The following SMYD3 variants were observed in gnomAD, a reference collection of about 807,000 sequenced individuals.
SMYD3 encodes SET and MYND domain containing 3, also known as histone-lysine N-methyltransferase SMYD3.
A neutral mutation model predicts 57.7 loss-of-function variants in SMYD3; 36 were observed. The observed-to-expected ratio is 0.62, with a 90% CI of 0.48 to 0.82. SMYD3 has a LOEUF of 0.82. Among genes scored for constraint, SMYD3 ranks in the 40% least tolerant of loss-of-function variants. SMYD3 has a pLI of 0.00. For synonymous variants in SMYD3, 211 were observed against 195.0 expected, an observed-to-expected ratio of 1.08 and a Z score of -0.68; for missense variants, 515 against 538.8, an observed-to-expected ratio of 0.96 and a Z score of 0.44.
At chr1:245,817,370 G>C (rs1461772792) in intron 10 of SMYD3, among the ~76,000 whole-genome samples, 1 of 146,538 alleles carries the variant, frequency 6.8e-6, no homozygotes, top group African/African-American at 2.6e-5. Context: ...CAAACAGAAA[G>C]CACATCCACA....
At chr1:245,856,784 T>G (rs1368128330) in intron 10 of SMYD3, among the ~76,000 whole-genome samples, 1 of 152,146 alleles carries the variant, frequency 6.6e-6, no homozygotes, top group Non-Finnish European at 1.5e-5. Flanking sequence ...GAAGAATCAG[T>G]GCAGCGCTAG....
intron 1 of SMYD3, among the ~76,000 whole-genome samples, chr1:246,387,074 G>A (rs577713353): frequency 2.0e-5 from 3 of 152,130 alleles, no homozygotes; most frequent in South Asian, 4.2e-4. Flanking sequence ...CTTTGCACAC[G>A]GTAAAGGGCA....
intron 10 of SMYD3, among the ~76,000 whole-genome samples, chr1:245,845,683 C>G (rs749345409): frequency 6.6e-6 from 1 of 152,240 alleles, no homozygotes; most frequent in Non-Finnish European, 1.5e-5. Flanking sequence ...CCTGCTCTTG[C>G]AAAGCTCAAT....
Position 246,458,613 on chromosome 1 carries a change from ATTTTTT to A in SMYD3, c.164+48435_164+48440del, listed in dbSNP as rs74163446. Among the ~76,000 whole-genome samples the A allele has an allele frequency of 1.7e-4, 8 of 46,870 alleles. No homozygotes were observed. In the South Asian group the frequency reaches 3.7e-3, roughly 22 times the overall value. 30.7% of individuals were successfully genotyped at this position (46,870 alleles called of 152,430 possible). On this transcript the variant is annotated intron_variant, in intron 1 of 11. Coordinates refer to ENST00000490107, the MANE Select transcript of SMYD3 (RefSeq NM_001167740.2). ...AGGCGCCCACCACCGCGCCTGGCTG[ATTTTTT>A]TTTTTTTTTTTTTTTTTTTTGTATT...
intron 5 of SMYD3, among the ~76,000 whole-genome samples, chr1:246,239,718 G>A (rs913152462): frequency 5.3e-5 from 8 of 152,062 alleles, no homozygotes; most frequent in African/African-American, 1.9e-4. Context: ...CAGTGTAAAA[G>A]TGTTCGTATT....
At chr1:246,204,906 T>C (rs2062974640) in intron 5 of SMYD3, among the ~76,000 whole-genome samples, 1 of 152,246 alleles carries the variant, frequency 6.6e-6, no homozygotes, top group Non-Finnish European at 1.5e-5. Flanking sequence ...ATTTTTAAAC[T>C]ATTCTAACAT....
chr1:246,003,151 T>C (rs775815067), intron 5 of SMYD3, among the ~76,000 whole-genome samples: 47 of 152,008 alleles, frequency 3.1e-4, no homozygotes, highest in Non-Finnish European at 6.2e-4. Flanking sequence ...AAATGCCAAG[T>C]GAAGATGTGT....
intron 1 of SMYD3, among the ~76,000 whole-genome samples, chr1:246,481,621 T>TATATATATATATAC (rs1307881494): frequency 0.01 from 1,022 of 98,140 alleles, 73 homozygotes; most frequent in Middle Eastern, 0.03. Context: ...CATACATATA[T>TATATATATATATAC]ACATACATAC....
In SMYD3 at chr1:246,197,507, C is replaced by A. The variant is rs943483931; in HGVS notation, c.531+129694G>T. On this transcript the variant is annotated intron_variant, in intron 5 of 11. Coordinates refer to ENST00000490107, the MANE Select transcript of SMYD3 (RefSeq NM_001167740.2). Reference sequence around the variant, plus strand: ...TGAAAAAAAATTCAGACAGGTATTACCTTCTTTCCACGTAAGGTACGTTCT... The same window carrying A: ...TGAAAAAAAATTCAGACAGGTATTAACTTCTTTCCACGTAAGGTACGTTCT... Among the ~76,000 whole-genome samples, 6 of 152,274 alleles carry A rather than the reference C, an allele frequency of 3.9e-5. No individual in the cohort carries two copies. In the East Asian group the frequency reaches 9.6e-4, roughly 24 times the overall value.
chr1:246,439,966 G>C (rs1237479256), intron 1 of SMYD3, among the ~76,000 whole-genome samples: 1 of 152,046 alleles, frequency 6.6e-6, no homozygotes, highest in Non-Finnish European at 1.5e-5. Flanking sequence ...AAGTGTTTTA[G>C]TTCTTTATAA....
intron 5 of SMYD3, among the ~76,000 whole-genome samples, chr1:246,093,357 T>C (rs2060854013): frequency 6.6e-6 from 1 of 152,214 alleles, no homozygotes; most frequent in Non-Finnish European, 1.5e-5. Context: ...TCAAGATACG[T>C]AACCAACCTG....
At chr1:245,757,516 G>T (rs1359079351) in intron 11 of SMYD3, among the ~76,000 whole-genome samples, 1 of 152,034 alleles carries the variant, frequency 6.6e-6, no homozygotes, top group Non-Finnish European at 1.5e-5. Context: ...ATGTCATGAG[G>T]CTTTTTCCTT....
rs60532931 is a variant in SMYD3 at position 246,127,896 on chromosome 1, A to AAAAAGAAAAGAAAAG, written c.532-197974_532-197960dup. Reference sequence around the variant, plus strand: ...GGGAGACAGAGCAAGACTCTGTCTCAAAAAGAAAAGAAAAGAAAAGAAAAG... The same window carrying AAAAAGAAAAGAAAAG: ...GGGAGACAGAGCAAGACTCTGTCTCAAAAAGAAAAGAAAAGAAAAGAAAAGAAAAGAAAAGAAAAG... On this transcript the variant is annotated intron_variant, in intron 5 of 11. Coordinates refer to ENST00000490107, the MANE Select transcript of SMYD3 (RefSeq NM_001167740.2). Among the ~76,000 whole-genome samples the AAAAAGAAAAGAAAAG allele has an allele frequency of 4.5e-3, 662 of 147,880 alleles. 5 individuals carry two copies. Among genetic ancestry groups the AAAAAGAAAAGAAAAG allele is most frequent in the African/African-American group, 0.014 (544 of 40,244 alleles).
At chr1:246,319,060 T>C (rs780501502) in intron 5 of SMYD3, among the ~76,000 whole-genome samples, 1 of 152,252 alleles carries the variant, frequency 6.6e-6, no homozygotes, top group Non-Finnish European at 1.5e-5. Context: ...ATCACTTTAT[T>C]TGAAGGTAGA....
intron 5 of SMYD3, among the ~76,000 whole-genome samples, chr1:246,039,771 T>C (rs1054750461): frequency 1.4e-4 from 21 of 152,266 alleles, no homozygotes; most frequent in African/African-American, 4.1e-4. Flanking sequence ...GTTTTCTCAA[T>C]TGATTAGGTC....
intron 5 of SMYD3, among the ~76,000 whole-genome samples, chr1:246,176,152 C>A (rs1344921439): frequency 3.9e-5 from 6 of 152,158 alleles, no homozygotes; most frequent in African/African-American, 1.2e-4. Context: ...CAACCCAAAC[C>A]CCCTCACCAG....
chr1:245,928,127 G>C (rs1292053652), intron 6 of SMYD3, 94 bp from the exon 7 acceptor site: 4 of 933,576 alleles, frequency 4.3e-6, no homozygotes, highest in Non-Finnish European at 6.5e-6. Flanking sequence ...CTTCCTTTGG[G>C]GGGCAGCAGC....
At chr1:246,002,324 G>A (rs12735031) in intron 5 of SMYD3, among the ~76,000 whole-genome samples, 7,390 of 40,112 alleles carry the variant, frequency 0.18, 1,626 homozygotes, top group South Asian at 0.24. Flanking sequence ...AGCTGGGACT[G>A]CAGGCTCCCG....
At chr1:246,410,549 G>C (rs1404126482) in intron 1 of SMYD3, among the ~76,000 whole-genome samples, 1 of 152,168 alleles carries the variant, frequency 6.6e-6, no homozygotes, top group Non-Finnish European at 1.5e-5. Flanking sequence ...TAAGCTTTTT[G>C]ATGTATTGCT....
Sources: gnomAD v4.1 joint callset for allele counts (sites outside exome capture counted in the v4.1 genomes callset) on GRCh38, gnomAD v4.1.1 for gene constraint, MANE v1.5 for transcripts, NCBI Gene and HGNC (gene_info 2026-07-23, HGNC 2026-07-21) for gene names.